Variants in RYR2 observed in about 807,000 individuals in gnomAD.
RYR2 encodes the protein cardiac muscle ryanodine receptor-calcium release channel.
RYR2 carries 227 observed loss-of-function variants against 601.1 expected under a neutral mutation model. That is an observed-to-expected ratio of 0.38 (90% CI 0.34 to 0.42). The LOEUF (loss-of-function observed/expected upper bound fraction) is 0.42. Among genes scored for constraint, RYR2 ranks in the 10% least tolerant of loss-of-function variants. The pLI, the probability that RYR2 is intolerant of heterozygous loss-of-function variation, is 1.00. For synonymous variants in RYR2, 2,223 were observed against 2,175.1 expected (o/e 1.02, Z -0.61); for missense variants, 4,646 against 6,156.5 (o/e 0.75, Z 8.21).
rs755585430 is a variant in RYR2 at position 237,784,932 on chromosome 1, G to A, written c.13220G>A (p.Ser4407Asn). Reference protein sequence around the residue: ...NPNAGLSDLMSNPVPMPEVQE... With the variant: ...NPNAGLSDLMNNPVPMPEVQE... ...AATGCTGGGCTCAGTGACCTCATGA[G>A]CAACCCAGTCCCCATGCCTGAGGTG... The change falls in exon 90 of 105, where the codon AGC becomes AAC. Residue 4407 changes from serine to asparagine, a missense_variant. Around this residue, in one of 17 missense-constraint regions of RYR2, gnomAD observed 364 missense variants for 442.9 expected, o/e 0.82. Coordinates refer to ENST00000366574, the MANE Select transcript of RYR2 (RefSeq NM_001035.3). The surrounding 1 kb of genome is among the most constrained non-coding windows in gnomAD (Gnocchi z 7.1). The A allele has an allele frequency of 1.6e-5, 25 of 1,605,896 alleles. No individual in the cohort carries two copies. In the East Asian group the frequency reaches 4.5e-4, roughly 29 times the overall value.
chr1:237,143,308 C>T (rs978691884), intron 1 of RYR2, among the ~76,000 whole-genome samples: 1 of 152,158 alleles, frequency 6.6e-6, no homozygotes, highest in Non-Finnish European at 1.5e-5. Flanking sequence ...TGTCAGGGTC[C>T]CGCCTGTATC....
intron 24 of RYR2, among the ~76,000 whole-genome samples, chr1:237,526,778 T>C (rs1004268935): frequency 6.6e-6 from 1 of 152,248 alleles, no homozygotes; most frequent in African/African-American, 2.4e-5. Flanking sequence ...GTAGGTTGTC[T>C]ATTTACTCTG....
At chr1:237,466,813 T>C (rs1464521216) in intron 16 of RYR2, among the ~76,000 whole-genome samples, 1 of 151,788 alleles carries the variant, frequency 6.6e-6, no homozygotes, top group Non-Finnish European at 1.5e-5. Flanking sequence ...TTTTTGATAT[T>C]TATTAGATAT....
At position 237,610,003 on chromosome 1, in the gene RYR2, A is replaced by C. The variant is rs1198034228; in HGVS notation, c.4684-759A>C. The stretch of plus-strand genomic sequence containing the variant: ...GAGGATGAAGTAGTCTACAGCATGC[A>C]GTTGAGGGGGCTCTAGAGGAGAAGA... On this transcript the variant is annotated intron_variant, in intron 35 of 104. Coordinates refer to ENST00000366574, the MANE Select transcript of RYR2 (RefSeq NM_001035.3). The surrounding 1 kb of genome is among the most constrained non-coding windows in gnomAD (Gnocchi z 4.9). Among the ~76,000 whole-genome samples, 2 of 152,144 alleles carry C rather than the reference A, an allele frequency of 1.3e-5. No individual in the cohort carries two copies. Among genetic ancestry groups the C allele is most frequent in the South Asian group, 2.1e-4 (1 of 4,834 alleles).
In RYR2 at chr1:237,214,770, TC is replaced by T. The variant is rs138817341; in HGVS notation, c.49-55725del. ...TCAATCCATTTCTCTTTATAATATT[TC>T]CTTTGCCTTTTCATGAATGTATTCT... On this transcript the variant is annotated intron_variant, in intron 1 of 104. Coordinates refer to ENST00000366574, the MANE Select transcript of RYR2 (RefSeq NM_001035.3). Among the ~76,000 whole-genome samples the T allele has an allele frequency of 5.6e-3, 855 of 152,354 alleles. 10 individuals are homozygous for T. The highest frequency in any genetic ancestry group is 0.026 in the South Asian group (126 of 4,822).
intron 1 of RYR2, among the ~76,000 whole-genome samples, chr1:237,150,479 C>T (rs1024835598): frequency 6.6e-6 from 1 of 152,226 alleles, no homozygotes; most frequent in Non-Finnish European, 1.5e-5. Flanking sequence ...TAACCTAATA[C>T]CTGGCATGTG....
intron 79 of RYR2, among the ~76,000 whole-genome samples, chr1:237,739,828 G>A (rs1691459148): frequency 6.6e-6 from 1 of 152,180 alleles, no homozygotes; most frequent in South Asian, 2.1e-4. Context: ...ATATACTTCT[G>A]TGGCAGAATG....
intron 16 of RYR2, among the ~76,000 whole-genome samples, chr1:237,458,011 C>T (rs775794350): frequency 2.6e-5 from 4 of 152,168 alleles, no homozygotes; most frequent in African/African-American, 4.8e-5. Flanking sequence ...TACCCCCTTA[C>T]TTGAGCCACA....
intron 103 of RYR2, 97 bp from the exon 104 acceptor site, chr1:237,831,417 C>A: frequency 1.4e-6 from 1 of 698,530 alleles, no homozygotes; most frequent in South Asian, 1.8e-5. Context: ...CTGTGCTGGC[C>A]ATAATTGATT....
Position 237,643,415 on chromosome 1 carries a change from G to A in RYR2, c.7310G>A (p.Ser2437Asn), listed in dbSNP as rs1178464472. Residue 2437 changes from serine (S) to asparagine (N), a missense_variant, in exon 48 of 105, where the codon AGC becomes AAC. Around this residue, in one of 17 missense-constraint regions of RYR2, gnomAD observed 1,497 missense variants for 1,842.6 expected, o/e 0.81. Coordinates refer to ENST00000366574, the MANE Select transcript of RYR2 (RefSeq NM_001035.3). Reference sequence around the variant, plus strand: ...CTGGGAGATTTGGTGGGCGTTATCAGCATCGCTTTTCAGATGCCAACAATA... The same window carrying A: ...CTGGGAGATTTGGTGGGCGTTATCAACATCGCTTTTCAGATGCCAACAATA... ...IPLGDLVGVI[S>N]IAFQMPTIAK... 1.2e-6 allele frequency: 2 copies of A among 1,613,826 alleles called. No homozygotes were observed. The highest frequency in any genetic ancestry group is 3.3e-5 in the Admixed American group (2 of 60,002).
At chr1:237,821,768 AG>A (rs1431372896) in intron 101 of RYR2, among the ~76,000 whole-genome samples, 1 of 152,088 alleles carries the variant, frequency 6.6e-6, no homozygotes, top group African/African-American at 2.4e-5. Flanking sequence ...AAGGAAGCTA[AG>A]AACTTTGAAA....
At chr1:237,438,268 G>A (rs1281869121) in intron 12 of RYR2, among the ~76,000 whole-genome samples, 2 of 151,990 alleles carry the variant, frequency 1.3e-5, no homozygotes, top group Non-Finnish European at 2.9e-5. Flanking sequence ...GCTAGTTGTA[G>A]GATCTGGGCC....
intron 37 of RYR2, among the ~76,000 whole-genome samples, chr1:237,616,126 G>C (rs1678436118): frequency 6.6e-6 from 1 of 152,168 alleles, no homozygotes; most frequent in South Asian, 2.1e-4. Flanking sequence ...GGAGGGTGGG[G>C]CAAAGGAGAT....
chr1:237,676,757 T>C (rs1685435428), intron 60 of RYR2, among the ~76,000 whole-genome samples: 1 of 152,206 alleles, frequency 6.6e-6, no homozygotes, highest in South Asian at 2.1e-4. Flanking sequence ...AATATGCATA[T>C]GCCTTTTTCT....
At chr1:237,626,584 T>C (rs1412540544) in intron 40 of RYR2, among the ~76,000 whole-genome samples, 7 of 105,656 alleles carry the variant, frequency 6.6e-5, no homozygotes, top group African/African-American at 2.4e-4. Flanking sequence ...CTTTTTCTTT[T>C]TTTTTTTTTT....
At chr1:237,651,787 C>T (rs1682763578) in intron 51 of RYR2, among the ~76,000 whole-genome samples, 1 of 151,954 alleles carries the variant, frequency 6.6e-6, no homozygotes, top group African/African-American at 2.4e-5. Context: ...CCTGTAATCC[C>T]AGCACTTTGG....
intron 1 of RYR2, among the ~76,000 whole-genome samples, chr1:237,244,550 C>T (rs547161575): frequency 6.6e-6 from 1 of 152,264 alleles, no homozygotes; most frequent in African/African-American, 2.4e-5. Context: ...GTAAAGGTCA[C>T]TCCTGATGGA....
rs397516510 is a variant in RYR2 at position 237,791,480 on chromosome 1, G to A, written c.13528G>A (p.Ala4510Thr). The change falls in exon 93 of 105, where the codon GCA becomes ACA. Residue 4510 changes from alanine (A) to threonine (T), a missense_variant. By Grantham distance (58) the Ala-to-Thr change is moderately conservative (BLOSUM62 0). Coordinates refer to ENST00000366574, the MANE Select transcript of RYR2 (RefSeq NM_001035.3). Reference sequence around the variant, plus strand: ...CATGAGAATGTTAGCCTTATTTGTCGCATTTGCTATCAATTTCATCTTGCT... The same window carrying A: ...CATGAGAATGTTAGCCTTATTTGTCACATTTGCTATCAATTTCATCTTGCT... ...YNMRMLALFV[A>T]FAINFILLFY... The A allele has an allele frequency of 3.2e-6, 5 of 1,572,518 alleles. No homozygotes were observed. The highest frequency in any genetic ancestry group is 1.8e-5 in the Admixed American group (1 of 54,464).
intron 1 of RYR2, among the ~76,000 whole-genome samples, chr1:237,204,363 G>A (rs907288545): frequency 1.3e-5 from 2 of 152,120 alleles, no homozygotes; most frequent in Non-Finnish European, 2.9e-5. Context: ...CATATCCTCT[G>A]TCCCTTTATT....
Sources: allele counts gnomAD v4.1 joint callset (sites outside exome capture counted in the v4.1 genomes callset), GRCh38; gene constraint gnomAD v4.1.1; regional missense constraint gnomAD v4.1.1; non-coding constraint Gnocchi (gnomAD v3.1); transcripts MANE v1.5; gene names NCBI Gene and HGNC (gene_info 2026-07-23, HGNC 2026-07-21).